The following NAV3 variants were observed in gnomAD, a reference collection of about 807,000 sequenced individuals.
The protein encoded by NAV3 is neuron navigator 3.
A neutral mutation model predicts 244.7 loss-of-function variants in NAV3; 87 were observed. The observed-to-expected ratio is 0.36, with a 90% confidence interval of 0.30 to 0.42. The LOEUF is 0.42. Ranked by LOEUF, NAV3 falls within the 20% of genes least tolerant of loss-of-function variation. NAV3 has a pLI of 1.00. For synonymous variants in NAV3, 1,126 were observed against 1,042.2 expected (o/e 1.08, Z -1.55); for missense variants, 2,663 against 2,893.3 (o/e 0.92, Z 1.83).
chr12:77,767,481 T>A (rs1014670841), intron 2 of NAV3, among the ~76,000 whole-genome samples: 1 of 152,164 alleles, frequency 6.6e-6, no homozygotes, highest in African/African-American at 2.4e-5. Context: ...CCAGATCCCA[T>A]GCCTCTGAAG....
At chr12:77,606,726 T>G (rs1012236954) in intron 2 of NAV3, among the ~76,000 whole-genome samples, 5 of 152,156 alleles carry the variant, frequency 3.3e-5, no homozygotes, top group African/African-American at 1.2e-4. Context: ...CATCATATTT[T>G]CTACAGTGCA....
chr12:78,023,712 G>T (rs1877533556), intron 9 of NAV3, among the ~76,000 whole-genome samples: 1 of 152,112 alleles, frequency 6.6e-6, no homozygotes, highest in South Asian at 2.1e-4. Flanking sequence ...TATAATTGAA[G>T]AAATTTAGAT....
chr12:77,934,989 C>A (rs1889188292), intron 1 of NAV3, among the ~76,000 whole-genome samples: 1 of 152,160 alleles, frequency 6.6e-6, no homozygotes. Flanking sequence ...CCTATCACTT[C>A]TCCCTACTTC....
In NAV3 at chr12:77,657,625, G is replaced by A. The variant is rs562289313; in HGVS notation, c.72+85359G>A. On this transcript the variant is annotated intron_variant, in intron 2 of 8. Transcript: ENST00000550042. Reference sequence around the variant, plus strand: ...CATTTTATGAGGCCAGCATCATCCTGATACCAAAGCCGGGCAGAGATACAA... The same window carrying A: ...CATTTTATGAGGCCAGCATCATCCTAATACCAAAGCCGGGCAGAGATACAA... Among the ~76,000 whole-genome samples the A allele has an allele frequency of 3.7e-3, 564 of 152,296 alleles. 3 individuals carry two copies. Among genetic ancestry groups the A allele is most frequent in the African/African-American group, 0.011 (474 of 41,550 alleles).
rs1393212793 is a variant in NAV3, at chr12:78,211,146, C to A, written c.*629C>A. ...ACGTTCTCATGATGTGCTCCACCAACTTTTTAGTATATGAGTCACTGGTTT... is the reference window on the plus strand; with the variant it reads ...ACGTTCTCATGATGTGCTCCACCAAATTTTTAGTATATGAGTCACTGGTTT... On this transcript the variant is annotated 3_prime_UTR_variant, in exon 40 of 40. Coordinates refer to ENST00000397909, the MANE Select transcript of NAV3 (RefSeq NM_001024383.2). The A allele has an allele frequency of 1.3e-5, 2 of 152,660 alleles. No individual in the cohort carries two copies. Among genetic ancestry groups the A allele is most frequent in the Non-Finnish European group, 1.5e-5 (1 of 68,082 alleles). The allele number at this position is 152,660 out of a possible 1,614,324, so 9.5% of individuals were successfully genotyped here.
intron 2 of NAV3, among the ~76,000 whole-genome samples, chr12:77,628,126 A>G (rs931064734): frequency 5.3e-5 from 8 of 152,324 alleles, no homozygotes; most frequent in African/African-American, 1.7e-4. Context: ...ATTTTGTTAT[A>G]TATTTCAAAA....
At chr12:77,664,968 G>A (rs1873649532) in intron 2 of NAV3, among the ~76,000 whole-genome samples, 1 of 152,130 alleles carries the variant, frequency 6.6e-6, no homozygotes, top group Admixed American at 6.5e-5. Flanking sequence ...TGGAGTTGCA[G>A]TGGCTATTCC....
intron 1 of NAV3, among the ~76,000 whole-genome samples, chr12:77,860,855 A>G (rs1246522082): frequency 6.6e-6 from 1 of 151,846 alleles, no homozygotes; most frequent in Non-Finnish European, 1.5e-5. Flanking sequence ...ATTGTCCTAA[A>G]AGGGAAATAA....
chr12:77,694,751 T>C (rs975140522), intron 2 of NAV3, among the ~76,000 whole-genome samples: 10 of 152,156 alleles, frequency 6.6e-5, no homozygotes, highest in Non-Finnish European at 1.0e-4. Context: ...ACTATCACAA[T>C]AGAGAAGAGA....
At chr12:78,121,668 A>G (rs1288404523) in intron 15 of NAV3, among the ~76,000 whole-genome samples, 4 of 152,128 alleles carry the variant, frequency 2.6e-5, no homozygotes, top group Non-Finnish European at 2.9e-5. Context: ...AAATTATGAA[A>G]ACCAGGGGTT....
intron 13 of NAV3, 110 bp downstream of exon 13, chr12:78,117,014 A>C (rs1340365986): frequency 1.6e-6 from 2 of 1,252,780 alleles, no homozygotes; most frequent in Non-Finnish European, 2.2e-6. Flanking sequence ...ATTATTACAG[A>C]AACTGGAAAA....
At chr12:77,657,763 T>C (rs1341569665) in intron 2 of NAV3, among the ~76,000 whole-genome samples, 1 of 152,092 alleles carries the variant, frequency 6.6e-6, no homozygotes, top group East Asian at 1.9e-4. Flanking sequence ...TCCACCATGA[T>C]CAAGTGGGCT....
At chr12:77,810,644 T>G (rs1414232629) in intron 2 of NAV3, among the ~76,000 whole-genome samples, 1 of 152,158 alleles carries the variant, frequency 6.6e-6, no homozygotes, top group African/African-American at 2.4e-5. Flanking sequence ...CTTTCTAGGA[T>G]TAGGTATTAG....
chr12:77,997,363 C>T (rs562209055), intron 6 of NAV3, among the ~76,000 whole-genome samples: 1 of 151,512 alleles, frequency 6.6e-6, no homozygotes, highest in East Asian at 1.9e-4. Flanking sequence ...AGTAATTGCA[C>T]ATTTTAGGCA....
Position 77,894,578 on chromosome 12 carries a change from G to GGT in NAV3, c.244-45740_244-45739insTG, listed in dbSNP as rs1555224795. ...TGATTACTTTAACCAACCCTCACTA[G>GGT]GCCACCAGCAAAATTAGAAAGAACT... On this transcript the variant is annotated intron_variant, in intron 1 of 39. Coordinates refer to ENST00000397909, the MANE Select transcript of NAV3 (RefSeq NM_001024383.2). Among the ~76,000 whole-genome samples the GGT allele has an allele frequency of 5.3e-5, 8 of 152,292 alleles. No individual in the cohort carries two copies. The South Asian group carries it at 1.0e-3, about 20-fold the overall frequency.
At chr12:77,788,728 C>G (rs181128372) in intron 2 of NAV3, among the ~76,000 whole-genome samples, 1 of 151,172 alleles carries the variant, frequency 6.6e-6, no homozygotes, top group Non-Finnish European at 1.5e-5. Context: ...GGCATGAGTA[C>G]TGCGGTCATG....
At chr12:77,729,011 G>T (rs1197823515) in intron 2 of NAV3, among the ~76,000 whole-genome samples, 1 of 151,902 alleles carries the variant, frequency 6.6e-6, no homozygotes, top group Non-Finnish European at 1.5e-5. Flanking sequence ...TATTTCTTCT[G>T]ACTTTCTTGA....
intron 2 of NAV3, among the ~76,000 whole-genome samples, chr12:77,798,454 A>G (rs560652870): frequency 1.1e-4 from 16 of 152,192 alleles, no homozygotes; most frequent in African/African-American, 3.6e-4. Flanking sequence ...AAGTTGTAAA[A>G]CTTTATAGCA....
intron 12 of NAV3, among the ~76,000 whole-genome samples, chr12:78,059,463 A>C (rs893054568): frequency 6.6e-6 from 1 of 151,828 alleles, no homozygotes; most frequent in African/African-American, 2.4e-5. Context: ...TAATTTTTGT[A>C]TTTTTAGTAG....
Sources: gnomAD v4.1 joint callset for allele counts (sites outside exome capture counted in the v4.1 genomes callset) on GRCh38, gnomAD v4.1.1 for gene constraint, MANE v1.5 for transcripts, NCBI Gene and HGNC (gene_info 2026-07-23, HGNC 2026-07-21) for gene names.